SRRT: variants seen among roughly 807,000 people sequenced by gnomAD.
The protein encoded by SRRT is serrate, RNA effector molecule, also known as serrate RNA effector molecule homolog.
SRRT carries 32 observed loss-of-function variants against 103.2 expected under a neutral mutation model. That is an observed-to-expected ratio of 0.31 (90% CI 0.23 to 0.42). SRRT has a LOEUF of 0.42. SRRT is among the 10% of genes least tolerant of loss of function. The probability of loss-of-function intolerance (pLI) is 1.00; values close to 1 mark genes in which losing one functional copy is unlikely to be tolerated. For synonymous variants in SRRT, 525 were observed against 449.0 expected (o/e 1.17, Z -2.14); for missense variants, 986 against 1,207.5 (o/e 0.82, Z 2.72).
At chr7:100,880,081 T>C (rs2115761201) in intron 2 of SRRT, among the ~76,000 whole-genome samples, 1 of 152,328 alleles carries the variant, frequency 6.6e-6, no homozygotes. Context: ...GGAGCCACAC[T>C]GGCCAAGGAC....
Position 100,886,141 on chromosome 7 carries a change from G to A in SRRT, c.1459-106G>A, listed in dbSNP as rs868765204. 25 of 1,369,366 alleles carry A rather than the reference G, an allele frequency of 1.8e-5. 1 individual carries two copies. Among genetic ancestry groups the A allele is most frequent in the Non-Finnish European group, 2.4e-5 (24 of 1,000,444 alleles). 84.8% of individuals were successfully genotyped at this position (1,369,366 alleles called of 1,614,324 possible). A position where few individuals can be genotyped will look rare whatever the true frequency, so the allele number is the denominator to read the frequency against. ...TGTGGTCCCCGTCCCCAGGGAGCTC[G>A]CAGTCTGATCAATCGCTGGTGCTCA... On this transcript the variant is annotated intron_variant, in intron 12 of 19. Transcript: ENST00000611405.
rs775147901 is a variant in SRRT, at chr7:100,882,096, G to A, written c.442G>A (p.Val148Met). Residue 148 changes from valine (V) to methionine (M), a missense_variant, in exon 5 of 20, where the codon GTG becomes ATG. By Grantham distance (21) the Val-to-Met change is conservative. Coordinates refer to ENST00000611405, the MANE Select transcript of SRRT (RefSeq NM_015908.6). The surrounding 1 kb of genome is among the most constrained non-coding windows in gnomAD (Gnocchi z 4.2). Reference sequence around the variant, plus strand: ...GATTGACCTGGGTGTGCCGCCGCCCGTGATGAAGACCTTCAAGGAGTTTCT... The same window carrying A: ...GATTGACCTGGGTGTGCCGCCGCCCATGATGAAGACCTTCAAGGAGTTTCT... ...AEIDLGVPPP[V>M]MKTFKEFLLS... 9 of 1,614,068 alleles carry A rather than the reference G, an allele frequency of 5.6e-6. No individual in the cohort carries two copies. Among genetic ancestry groups the A allele is most frequent in the South Asian group, 4.4e-5 (4 of 91,072 alleles).
intron 12 of SRRT, 24 bp from the exon 13 acceptor site, chr7:100,886,223 C>T: frequency 6.2e-7 from 1 of 1,601,874 alleles, no homozygotes. Flanking sequence ...GTGGGGTAAG[C>T]TGCTGATGAT....
Position 100,886,438 on chromosome 7 carries a change from C to A in SRRT, c.1647+3C>A. On this transcript the variant is annotated splice_donor_region_variant and intron_variant, in intron 13 of 19. Transcript: ENST00000611405. The stretch of plus-strand genomic sequence containing the variant: ...CAGGGACGCCTCCCCTGCCCACGGT[C>A]AGTGACTCCCCAAAGGACTTTGTCA... 6.2e-7 allele frequency: 1 copy of A among 1,608,648 alleles called. No individual in the cohort carries two copies. The highest frequency in any genetic ancestry group is 1.1e-5 in the South Asian group (1 of 90,468).
At position 100,885,813 on chromosome 7, in the gene SRRT, C is replaced by T; in HGVS notation, c.1380-50C>T. On this transcript the variant is annotated intron_variant, in intron 11 of 19. Coordinates refer to ENST00000611405, the MANE Select transcript of SRRT (RefSeq NM_015908.6). The surrounding 1 kb of genome is among the most constrained non-coding windows in gnomAD (Gnocchi z 4.8). The stretch of plus-strand genomic sequence containing the variant: ...AAAAGTGCAGGGGAACGTTAATGGC[C>T]AACACCAACTCCCTCGCTTGACTAT... 2 of 1,613,350 alleles carry T rather than the reference C, an allele frequency of 1.2e-6. No homozygotes were observed. Among genetic ancestry groups the T allele is most frequent in the Non-Finnish European group, 1.7e-6 (2 of 1,179,302 alleles).
At position 100,875,589 on chromosome 7, in the gene SRRT, C is replaced by T. The variant is rs1214378033; in HGVS notation, c.-2C>T. 2.5e-6 allele frequency: 4 copies of T among 1,613,820 alleles called. No homozygotes were observed. The highest frequency in any genetic ancestry group is 3.4e-6 in the Non-Finnish European group (4 of 1,179,776). Reference sequence around the variant, plus strand: ...GGTCCCCAGGCCCCCTCAGACCGTGCCATGGGTGACAGTGATGACGAGTAC... The same window carrying T: ...GGTCCCCAGGCCCCCTCAGACCGTGTCATGGGTGACAGTGATGACGAGTAC... On this transcript the variant is annotated 5_prime_UTR_variant, in exon 2 of 20. Transcript: ENST00000611405.
chr7:100,887,871 T>C lies in SRRT; in HGVS notation c.2326+12T>C. 6.3e-7 allele frequency: 1 copy of C among 1,592,802 alleles called. No homozygotes were observed. Among genetic ancestry groups the C allele is most frequent in the Non-Finnish European group, 8.6e-7 (1 of 1,163,552 alleles). ...TGGCCCCGCCCAGAGTAAGATACGATCCATGAAGGTCGCATGTGCCCTCTT... is the reference window on the plus strand; with the variant it reads ...TGGCCCCGCCCAGAGTAAGATACGACCCATGAAGGTCGCATGTGCCCTCTT... On this transcript the variant is annotated intron_variant, in intron 17 of 19. Coordinates refer to ENST00000611405, the MANE Select transcript of SRRT (RefSeq NM_015908.6). The surrounding 1 kb of genome is among the most constrained non-coding windows in gnomAD (Gnocchi z 4.1).
At position 100,885,990 on chromosome 7, in the gene SRRT, C is replaced by T; in HGVS notation, c.1458+49C>T. On this transcript the variant is annotated intron_variant, in intron 12 of 19. Coordinates refer to ENST00000611405, the MANE Select transcript of SRRT (RefSeq NM_015908.6). This position sits in a 1 kb window ranked among gnomAD's most constrained non-coding sequence, Gnocchi z 4.8. ...GGGGAAGAGGAAGGGAGACTCTGTG[C>T]CACACGGGACCTCTGTGTGACTTTG... 1 of 1,571,152 alleles carries T rather than the reference C, an allele frequency of 6.4e-7. No individual in the cohort carries two copies. Among genetic ancestry groups the T allele is most frequent in the Non-Finnish European group, 8.8e-7 (1 of 1,142,392 alleles).
intron 1 of SRRT, 58 bp from the exon 2 acceptor site, chr7:100,875,515 G>T (rs1427550975): frequency 6.3e-6 from 10 of 1,595,540 alleles, no homozygotes; most frequent in Non-Finnish European, 7.7e-6. Context: ...CGCGAGGGAC[G>T]GTCCCTTCCT....
At chr7:100,886,010 A>T in intron 12 of SRRT, 69 bp downstream of exon 12, 1 of 1,531,742 alleles carries the variant, frequency 6.5e-7, no homozygotes, top group Non-Finnish European at 9.0e-7. Context: ...CCTCTGTGTG[A>T]CTTTGTTCAT....
chr7:100,887,643 G>A lies in SRRT; in HGVS notation c.2170-60G>A. The A allele has an allele frequency of 6.3e-7, 1 of 1,581,922 alleles. No homozygotes were observed. The highest frequency in any genetic ancestry group is 8.6e-7 in the Non-Finnish European group (1 of 1,159,118). On this transcript the variant is annotated intron_variant, in intron 16 of 19. Transcript: ENST00000611405. The surrounding 1 kb of genome is among the most constrained non-coding windows in gnomAD (Gnocchi z 4.1). ...GGGAGCTGGGAATCCTTCCAGCTCG[G>A]GCCTGGGAGCGAGGCAACCCTTATG...
At chr7:100,884,877 G>A in intron 8 of SRRT, 39 bp downstream of exon 8, 3 of 1,613,724 alleles carry the variant, frequency 1.9e-6, no homozygotes, top group Non-Finnish European at 2.5e-6. Context: ...TGTTGGGGCT[G>A]GGGTTCTGGC....
At chr7:100,883,502 C>G (rs1471754856) in intron 5 of SRRT, among the ~76,000 whole-genome samples, 1 of 152,222 alleles carries the variant, frequency 6.6e-6, no homozygotes, top group East Asian at 1.9e-4. Flanking sequence ...AAAGGGCACT[C>G]CAGTGTCTCC....
Position 100,887,291 on chromosome 7 carries a change from A to G in SRRT, c.1976-29A>G, listed in dbSNP as rs371651232. The G allele has an allele frequency of 8.8e-5, 141 of 1,610,506 alleles. No individual in the cohort carries two copies. In the African/African-American group the frequency reaches 1.5e-3, roughly 18 times the overall value. ...ATCCTTCCTTCTGGCTCCCTTGCCA[A>G]CCTTCCTTCCTCTGTTCCCAAACCA... is the stretch of plus-strand genomic sequence containing the variant. On this transcript the variant is annotated intron_variant, in intron 15 of 19. Transcript: ENST00000611405. The surrounding 1 kb of genome is among the most constrained non-coding windows in gnomAD (Gnocchi z 4.1).
rs201256411 is a variant in SRRT at position 100,885,296 on chromosome 7, C to A, written c.1243C>A (p.Arg415=). The change falls in exon 10 of 20, where the codon CGG becomes AGG. Residue 415 remains arginine, a synonymous_variant. Coordinates refer to ENST00000611405, the MANE Select transcript of SRRT (RefSeq NM_015908.6). The surrounding 1 kb of genome is among the most constrained non-coding windows in gnomAD (Gnocchi z 4.8). The part of the protein sequence containing the change: ...KDAAGLECKP[R]PLHKTCSLFM... Reference sequence around the variant, plus strand: ...CGCCGCGGGGCTGGAGTGCAAGCCGCGGCCGCTGCATAAGACCTGCTCCCT... The same window carrying A: ...CGCCGCGGGGCTGGAGTGCAAGCCGAGGCCGCTGCATAAGACCTGCTCCCT... The A allele has an allele frequency of 2.1e-5, 34 of 1,614,042 alleles. No homozygotes were observed. Among genetic ancestry groups the A allele is most frequent in the Non-Finnish European group, 2.5e-5 (30 of 1,180,042 alleles).
In SRRT at chr7:100,885,582, C is replaced by T. The variant is rs1584753583; in HGVS notation, c.1318-119C>T. 2 of 1,227,776 alleles carry T rather than the reference C, an allele frequency of 1.6e-6. No homozygotes were observed. The highest frequency in any genetic ancestry group is 2.1e-5 in the Admixed American group (1 of 47,944). The allele number at this position is 1,227,776 out of a possible 1,614,324, so 76.1% of individuals were successfully genotyped here. ...AGCCCTTTAGTGGTTTTTCCCTGCCCAAGGATGGGAAGAGTGATAAGGCAG... is the reference window on the plus strand; with the variant it reads ...AGCCCTTTAGTGGTTTTTCCCTGCCTAAGGATGGGAAGAGTGATAAGGCAG... On this transcript the variant is annotated intron_variant, in intron 10 of 19. Coordinates refer to ENST00000611405, the MANE Select transcript of SRRT (RefSeq NM_015908.6). The surrounding 1 kb of genome is among the most constrained non-coding windows in gnomAD (Gnocchi z 4.8).
chr7:100,876,160 T>C (rs1233263808), intron 2 of SRRT, among the ~76,000 whole-genome samples: 1 of 152,092 alleles, frequency 6.6e-6, no homozygotes, highest in African/African-American at 2.4e-5. Context: ...AAAATTATTA[T>C]TGTTATTTCG....
Position 100,887,543 on chromosome 7 carries a change from C to G in SRRT, c.2169+30C>G, listed in dbSNP as rs117042688. 14 of 1,608,322 alleles carry G rather than the reference C, an allele frequency of 8.7e-6. No homozygotes were observed. The highest frequency in any genetic ancestry group is 2.2e-5 in the East Asian group (1 of 44,802). On this transcript the variant is annotated intron_variant, in intron 16 of 19. Transcript: ENST00000611405. This position sits in a 1 kb window ranked among gnomAD's most constrained non-coding sequence, Gnocchi z 4.1. ...GGGATGTTGGAGAATGGCCGTGCTACGGTGGTGGGAGGTGGGGTTGAGACA... is the reference window on the plus strand; with the variant it reads ...GGGATGTTGGAGAATGGCCGTGCTAGGGTGGTGGGAGGTGGGGTTGAGACA...
At position 100,885,817 on chromosome 7, in the gene SRRT, A is replaced by G; in HGVS notation, c.1380-46A>G. Reference sequence around the variant, plus strand: ...GTGCAGGGGAACGTTAATGGCCAACACCAACTCCCTCGCTTGACTATGCTA... The same window carrying G: ...GTGCAGGGGAACGTTAATGGCCAACGCCAACTCCCTCGCTTGACTATGCTA... On this transcript the variant is annotated intron_variant, in intron 11 of 19. Transcript: ENST00000611405. This position sits in a 1 kb window ranked among gnomAD's most constrained non-coding sequence, Gnocchi z 4.8. 1 of 1,613,642 alleles carries G rather than the reference A, an allele frequency of 6.2e-7. No individual in the cohort carries two copies. The highest frequency in any genetic ancestry group is 1.1e-5 in the South Asian group (1 of 91,068).
Sources: gnomAD v4.1 joint callset for allele counts (sites outside exome capture counted in the v4.1 genomes callset) on GRCh38, gnomAD v4.1.1 for gene constraint, Gnocchi (gnomAD v3.1) non-coding constraint, MANE v1.5 for transcripts, NCBI Gene and HGNC (gene_info 2026-07-23, HGNC 2026-07-21) for gene names.